Variants in RAB43 observed in about 807,000 individuals in gnomAD.
RAB43 encodes the protein RAB43, member RAS oncogene family.
A neutral mutation model predicts 18.8 loss-of-function variants in RAB43; 6 were observed. The observed-to-expected ratio is 0.32, with a 90% CI of 0.17 to 0.63. The LOEUF (loss-of-function observed/expected upper bound fraction) is 0.63. Among genes scored for constraint, RAB43 ranks in the 30% least tolerant of loss-of-function variants. The pLI is 0.79. For missense variants in RAB43, 195 were observed against 289.1 expected (o/e 0.67, Z 2.36); for synonymous variants, 103 against 124.1 (o/e 0.83, Z 1.13).
intron 1 of RAB43, 55 bp downstream of exon 1, chr3:129,121,231 C>G (rs1935906609): frequency 6.8e-7 from 1 of 1,463,108 alleles, no homozygotes; most frequent in South Asian, 1.3e-5. Context: ...GGCTCCGCTG[C>G]CCCCGCCCCA....
chr3:129,097,238 T>A (rs1934117313), intron 1 of RAB43, among the ~76,000 whole-genome samples: 1 of 151,922 alleles, frequency 6.6e-6, no homozygotes, highest in Non-Finnish European at 1.5e-5. Context: ...AAGAAAAGTA[T>A]CCAGAATTGA....
At chr3:129,103,446 C>G (rs551826632) in intron 1 of RAB43, among the ~76,000 whole-genome samples, 44 of 152,320 alleles carry the variant, frequency 2.9e-4, no homozygotes, top group African/African-American at 1.0e-3. Context: ...CTCTAGCTGC[C>G]TGCTGGCCAT....
intron 1 of RAB43, among the ~76,000 whole-genome samples, chr3:129,117,148 T>C (rs928854728): frequency 1.3e-5 from 2 of 152,264 alleles, no homozygotes; most frequent in African/African-American, 4.8e-5. Flanking sequence ...TTTCACTATA[T>C]ATACCCTTTG....
intron 1 of RAB43, among the ~76,000 whole-genome samples, chr3:129,100,837 C>T (rs541018606): frequency 1.3e-5 from 2 of 152,272 alleles, no homozygotes; most frequent in Non-Finnish European, 1.5e-5. Flanking sequence ...AGACGAGTCT[C>T]GCTCTGTCGC....
chr3:129,111,293 T>C (rs1346732130), intron 1 of RAB43, among the ~76,000 whole-genome samples: 1 of 151,950 alleles, frequency 6.6e-6, no homozygotes, highest in Admixed American at 6.6e-5. Context: ...GGTGGGCAGA[T>C]CGCTTAAGGT....
intron 1 of RAB43, among the ~76,000 whole-genome samples, chr3:129,116,379 C>T (rs1414853194): frequency 6.6e-6 from 1 of 152,210 alleles, no homozygotes; most frequent in Non-Finnish European, 1.5e-5. Context: ...GAACAGATTT[C>T]TTCAGAAAAT....
chr3:129,109,320 G>C (rs1227999468), intron 1 of RAB43, among the ~76,000 whole-genome samples: 2 of 150,500 alleles, frequency 1.3e-5, no homozygotes, highest in East Asian at 4.0e-4. Context: ...TGAGGCAGGA[G>C]AATGGCGTGA....
At chr3:129,101,502 G>A (rs1331382498) in intron 1 of RAB43, among the ~76,000 whole-genome samples, 1 of 152,202 alleles carries the variant, frequency 6.6e-6, no homozygotes, top group African/African-American at 2.4e-5. Context: ...TACAGAATGT[G>A]AAAGCCAGGC....
At chr3:129,103,879 A>T (rs1360118828) in intron 1 of RAB43, among the ~76,000 whole-genome samples, 2 of 152,114 alleles carry the variant, frequency 1.3e-5, no homozygotes, top group Non-Finnish European at 2.9e-5. Flanking sequence ...GGCCTTTCTT[A>T]AAAGAGCAGT....
chr3:129,095,139 G>T lies in RAB43; in HGVS notation c.235C>A (p.Arg79=), dbSNP rs764997936. The T allele has an allele frequency of 1.2e-6, 2 of 1,613,070 alleles. No homozygotes were observed. The highest frequency in any genetic ancestry group is 1.1e-5 in the South Asian group (1 of 90,996). ...TAGCTCTGGGTGATGGTGCGGAACC[G>T]CTCCTGGCCGGCCGTGTCCCAGATC... The part of the protein sequence containing the change: ...LQIWDTAGQE[R]FRTITQSYYR... The change falls in exon 2 of 3, where the codon CGG becomes AGG. Residue 79 remains arginine, a synonymous_variant. Coordinates refer to ENST00000315150, the MANE Select transcript of RAB43 (RefSeq NM_198490.3). The surrounding 1 kb of genome is among the most constrained non-coding windows in gnomAD (Gnocchi z 4.2).
At chr3:129,102,263 C>T (rs1455616291) in intron 1 of RAB43, among the ~76,000 whole-genome samples, 1 of 152,184 alleles carries the variant, frequency 6.6e-6, no homozygotes, top group African/African-American at 2.4e-5. Context: ...AAAAGCTAAG[C>T]ATGTGAGCCC....
At chr3:129,118,428 A>G (rs1935689897) in intron 1 of RAB43, among the ~76,000 whole-genome samples, 1 of 152,184 alleles carries the variant, frequency 6.6e-6, no homozygotes, top group Non-Finnish European at 1.5e-5. Context: ...ACAACTAGAT[A>G]AAGGTATTGC....
At chr3:129,106,405 G>A (rs1388406700) in intron 1 of RAB43, among the ~76,000 whole-genome samples, 1 of 152,166 alleles carries the variant, frequency 6.6e-6, no homozygotes, top group Non-Finnish European at 1.5e-5. Flanking sequence ...GGAGTTTGTG[G>A]GCCATGCGAG....
At chr3:129,109,437 T>TA (rs1156886618) in intron 1 of RAB43, among the ~76,000 whole-genome samples, 5 of 145,414 alleles carry the variant, frequency 3.4e-5, no homozygotes, top group Non-Finnish European at 6.0e-5. Flanking sequence ...CAATGTCATT[T>TA]AAAAAAAAAG....
intron 1 of RAB43, among the ~76,000 whole-genome samples, chr3:129,117,619 A>C (rs1326232357): frequency 6.6e-6 from 1 of 152,216 alleles, no homozygotes; most frequent in African/African-American, 2.4e-5. Context: ...AAACTCTTTA[A>C]CTGTCAACCC....
rs1311989594 is a variant in RAB43, at chr3:129,107,972, C to A, written c.205-12803G>T. On this transcript the variant is annotated intron_variant, in intron 1 of 2. Transcript: ENST00000315150. The surrounding 1 kb of genome is among the most constrained non-coding windows in gnomAD (Gnocchi z 4.2). ...TGGCTGTTTCGCTGCCTATGGCCCC[C>A]AGGCCCACAGCCTGCCAGTGCCACC... Among the ~76,000 whole-genome samples, 4 of 152,252 alleles carry A rather than the reference C, an allele frequency of 2.6e-5. No individual in the cohort carries two copies. The highest frequency in any genetic ancestry group is 9.6e-5 in the African/African-American group (4 of 41,466).
chr3:129,108,653 C>T (rs1934943076), intron 1 of RAB43, among the ~76,000 whole-genome samples: 1 of 152,216 alleles, frequency 6.6e-6, no homozygotes, highest in Non-Finnish European at 1.5e-5. Context: ...CATAACTAAG[C>T]TCGACAGAGT....
intron 2 of RAB43, among the ~76,000 whole-genome samples, chr3:129,091,723 G>A (rs1576812275): frequency 6.6e-6 from 1 of 151,830 alleles, no homozygotes; most frequent in East Asian, 1.9e-4. Flanking sequence ...TTTTTTAAAA[G>A]TCTCTACATG....
intron 1 of RAB43, among the ~76,000 whole-genome samples, chr3:129,110,753 A>T (rs1935113627): frequency 6.6e-6 from 1 of 152,180 alleles, no homozygotes. Flanking sequence ...CGGTGATGAA[A>T]ATATCCTAAA....
Sources: allele counts gnomAD v4.1 joint callset (sites outside exome capture counted in the v4.1 genomes callset), GRCh38; gene constraint gnomAD v4.1.1; non-coding constraint Gnocchi (gnomAD v3.1); transcripts MANE v1.5; gene names NCBI Gene and HGNC (gene_info 2026-07-23, HGNC 2026-07-21).